HS3ST4: variants seen among roughly 807,000 people sequenced by gnomAD.
HS3ST4 encodes the protein heparan sulfate-glucosamine 3-sulfotransferase 4, also known as heparan sulfate glucosamine 3-O-sulfotransferase 4.
In HS3ST4, 17 loss-of-function variants were observed where a neutral mutation model predicts 29.2. The observed-to-expected ratio is 0.58, with a 90% CI of 0.40 to 0.87. The LOEUF (loss-of-function observed/expected upper bound fraction) is 0.87. Among genes scored for constraint, HS3ST4 ranks in the 40% least tolerant of loss-of-function variants. The probability of loss-of-function intolerance (pLI) is 0.00; values close to 1 mark genes in which losing one functional copy is unlikely to be tolerated. For synonymous variants in HS3ST4, 314 were observed against 285.7 expected (o/e 1.10, Z -1.00); for missense variants, 627 against 634.5 (o/e 0.99, Z 0.13).
intron 1 of HS3ST4, among the ~76,000 whole-genome samples, chr16:26,009,573 G>C (rs1410145094): frequency 6.6e-6 from 1 of 152,164 alleles, no homozygotes; most frequent in Admixed American, 6.5e-5. Context: ...CAATAAGCTC[G>C]AGCTTCTGCC....
chr16:26,076,867 T>C (rs1425069579), intron 1 of HS3ST4, among the ~76,000 whole-genome samples: 3 of 152,330 alleles, frequency 2.0e-5, no homozygotes, highest in Admixed American at 1.3e-4. Flanking sequence ...CACTTTGTGA[T>C]TTGCTGAATC....
intron 1 of HS3ST4, among the ~76,000 whole-genome samples, chr16:26,050,421 T>C (rs1037466700): frequency 6.6e-6 from 1 of 152,162 alleles, no homozygotes; most frequent in Non-Finnish European, 1.5e-5. Context: ...TGGTTTTCAC[T>C]CTATAAACAG....
At chr16:26,066,342 G>C (rs1264703009) in intron 1 of HS3ST4, among the ~76,000 whole-genome samples, 1 of 152,144 alleles carries the variant, frequency 6.6e-6, no homozygotes, top group Non-Finnish European at 1.5e-5. Context: ...GTAAAGAGGT[G>C]GGAGGAACGG....
chr16:25,851,590 A>C (rs1967522506), intron 1 of HS3ST4, among the ~76,000 whole-genome samples: 1 of 152,190 alleles, frequency 6.6e-6, no homozygotes, highest in South Asian at 2.1e-4. Flanking sequence ...AGGTAGTTGA[A>C]ACTCAGCATT....
At chr16:25,993,436 G>T (rs1969130371) in intron 1 of HS3ST4, among the ~76,000 whole-genome samples, 1 of 152,104 alleles carries the variant, frequency 6.6e-6, no homozygotes, top group South Asian at 2.1e-4. Context: ...CTGGACTTTG[G>T]AGGTGCGGAA....
chr16:25,953,648 A>T (rs1968701789), intron 1 of HS3ST4, among the ~76,000 whole-genome samples: 1 of 152,152 alleles, frequency 6.6e-6, no homozygotes, highest in African/African-American at 2.4e-5. Flanking sequence ...CATGTCATAA[A>T]TTGGATTCCC....
At chr16:26,000,915 A>T (rs548551412) in intron 1 of HS3ST4, among the ~76,000 whole-genome samples, 13 of 152,186 alleles carry the variant, frequency 8.5e-5, no homozygotes, top group South Asian at 2.1e-4. Flanking sequence ...TTTTGTTTTT[A>T]AAAAAAATTA....
At chr16:26,043,635 T>A (rs923034952) in intron 1 of HS3ST4, among the ~76,000 whole-genome samples, 4 of 152,148 alleles carry the variant, frequency 2.6e-5, no homozygotes, top group Non-Finnish European at 5.9e-5. Flanking sequence ...AGTGTAATGA[T>A]GAGAAGGAAA....
chr16:26,012,689 A>G (rs972698774), intron 1 of HS3ST4, among the ~76,000 whole-genome samples: 1 of 152,250 alleles, frequency 6.6e-6, no homozygotes, highest in Non-Finnish European at 1.5e-5. Context: ...TTCAGAATGT[A>G]TAGAAGCTGG....
chr16:25,721,361 C>T (rs1299297967), intron 1 of HS3ST4, among the ~76,000 whole-genome samples: 2 of 152,180 alleles, frequency 1.3e-5, no homozygotes, highest in African/African-American at 4.8e-5. Context: ...CCTTGCAGAA[C>T]TACCTTTTAT....
chr16:25,692,671 T>A lies in HS3ST4; in HGVS notation c.254T>A (p.Leu85Gln). Residue 85 changes from leucine (L) to glutamine (Q), a missense_variant, in exon 1 of 2, where the codon CTG (leucine) becomes CAG (glutamine). Leu to Gln is a moderately radical substitution (Grantham distance 113). Around this residue, in one of 2 missense-constraint regions of HS3ST4, gnomAD observed 402 missense variants for 340.8 expected, o/e 1.18. Coordinates refer to ENST00000331351, the MANE Select transcript of HS3ST4 (RefSeq NM_006040.3). ...CCGAGCCCGCCGCCACCCTCTCTGC[T>A]GCCTACCCCCGTGCGCCTCGGCGCC... ...PPPSPPPPSLLPTPVRLGAPS... is the reference protein window; with the variant it reads ...PPPSPPPPSLQPTPVRLGAPS... 3 of 1,270,338 alleles carry A rather than the reference T, an allele frequency of 2.4e-6. No individual in the cohort carries two copies. The highest frequency in any genetic ancestry group is 3.0e-6 in the Non-Finnish European group (3 of 1,008,496). 78.7% of individuals were successfully genotyped at this position (1,270,338 alleles called of 1,614,324 possible). A position where few individuals can be genotyped will look rare whatever the true frequency, so the allele number is the denominator to read the frequency against.
chr16:26,032,860 A>G, intron 1 of HS3ST4: 1 of 1,552,940 alleles, frequency 6.4e-7, no homozygotes, highest in African/African-American at 1.4e-5. Context: ...CGCGGGATGC[A>G]GTGGCGCGCG....
At position 25,967,738 on chromosome 16, in the gene HS3ST4, C is replaced by T. The variant is rs147532265; in HGVS notation, c.735-167874C>T. 6.2e-3 allele frequency among the ~76,000 whole-genome samples: 939 copies of T among 152,232 alleles called. 5 individuals are homozygous for T. Among genetic ancestry groups the T allele is most frequent in the Admixed American group, 0.012 (180 of 15,302 alleles). ...AGTGAGAAGAGAAGGAAGAGGGCAACGGTGAGGTACCTGCCTGGTGGTGGA... is the reference window on the plus strand; with the variant it reads ...AGTGAGAAGAGAAGGAAGAGGGCAATGGTGAGGTACCTGCCTGGTGGTGGA... On this transcript the variant is annotated intron_variant, in intron 1 of 1. Coordinates refer to ENST00000331351, the MANE Select transcript of HS3ST4 (RefSeq NM_006040.3).
intron 1 of HS3ST4, among the ~76,000 whole-genome samples, chr16:25,733,089 G>A (rs1318727292): frequency 3.3e-5 from 5 of 152,156 alleles, no homozygotes; most frequent in Non-Finnish European, 4.4e-5. Flanking sequence ...TTTCTAGAAC[G>A]TTATACCTAG....
At chr16:25,751,890 A>G (rs564088531) in intron 1 of HS3ST4, among the ~76,000 whole-genome samples, 1 of 152,330 alleles carries the variant, frequency 6.6e-6, no homozygotes, top group East Asian at 1.9e-4. Context: ...AGTGGATGAA[A>G]GGAGGTCCCT....
chr16:25,910,947 G>C (rs1437538875), intron 1 of HS3ST4, among the ~76,000 whole-genome samples: 1 of 152,114 alleles, frequency 6.6e-6, no homozygotes, highest in African/African-American at 2.4e-5. Flanking sequence ...TAGTGTTCAG[G>C]CCCTGCCCAG....
intron 1 of HS3ST4, among the ~76,000 whole-genome samples, chr16:25,715,992 GGGATCCT>G (rs912762301): frequency 6.6e-6 from 1 of 151,988 alleles, no homozygotes; most frequent in African/African-American, 2.4e-5. Flanking sequence ...AGAGGTCAGG[GGGATCCT>G]GAGCAGGAGC....
chr16:26,034,083 G>T (rs1484627761), intron 1 of HS3ST4, among the ~76,000 whole-genome samples: 1 of 152,172 alleles, frequency 6.6e-6, no homozygotes, highest in Non-Finnish European at 1.5e-5. Context: ...TGCAATAAAT[G>T]AGAGAGTCTC....
At chr16:25,839,315 C>T (rs576438794) in intron 1 of HS3ST4, among the ~76,000 whole-genome samples, 1 of 152,204 alleles carries the variant, frequency 6.6e-6, no homozygotes, top group Non-Finnish European at 1.5e-5. Flanking sequence ...CAAAGGAAGA[C>T]TTGGCTGTCT....
Sources: allele counts gnomAD v4.1 joint callset (sites outside exome capture counted in the v4.1 genomes callset), GRCh38; gene constraint gnomAD v4.1.1; regional missense constraint gnomAD v4.1.1; transcripts MANE v1.5; gene names NCBI Gene and HGNC (gene_info 2026-07-23, HGNC 2026-07-21).